RPGRIP1L: variants seen among roughly 807,000 people sequenced by gnomAD.
RPGRIP1L encodes the protein protein fantom.
A neutral mutation model predicts 160.4 loss-of-function variants in RPGRIP1L; 131 were observed. The observed-to-expected ratio is 0.82, with a 90% CI of 0.71 to 0.94. The LOEUF (loss-of-function observed/expected upper bound fraction) is 0.94. Among genes scored for constraint, RPGRIP1L ranks in the 40% least tolerant of loss-of-function variants. RPGRIP1L has a pLI of 0.00. For missense variants in RPGRIP1L, 1,522 were observed against 1,535.8 expected (o/e 0.99, Z 0.15); for synonymous variants, 510 against 515.8 (o/e 0.99, Z 0.15).
At chr16:53,671,659 ACT>A (rs1398838094) in intron 8 of RPGRIP1L, 76 bp from the exon 9 acceptor site, 2 of 737,068 alleles carry the variant, frequency 2.7e-6, no homozygotes, top group Non-Finnish European at 4.4e-6. Context: ...ACATTAAAAA[ACT>A]CTATATGAGA....
At chr16:53,701,382 C>T (rs1337309273) in intron 1 of RPGRIP1L, among the ~76,000 whole-genome samples, 1 of 151,740 alleles carries the variant, frequency 6.6e-6, no homozygotes, top group Non-Finnish European at 1.5e-5. Context: ...TGCCATGAGG[C>T]CTAGGTCTCA....
intron 9 of RPGRIP1L, among the ~76,000 whole-genome samples, chr16:53,669,131 C>T (rs768649480): frequency 6.6e-6 from 1 of 151,952 alleles, no homozygotes; most frequent in Non-Finnish European, 1.5e-5. Context: ...TTGGCAATAA[C>T]GAATAACAGT....
chr16:53,676,921 C>G (rs1405729464), intron 6 of RPGRIP1L, among the ~76,000 whole-genome samples: 1 of 152,104 alleles, frequency 6.6e-6, no homozygotes, highest in Admixed American at 6.6e-5. Context: ...GTGTGAGCCA[C>G]TGTACCCGGC....
chr16:53,658,658 C>G (rs1967481872), intron 11 of RPGRIP1L, 114 bp downstream of exon 11: 1 of 856,346 alleles, frequency 1.2e-6, no homozygotes, highest in Admixed American at 2.1e-5. Flanking sequence ...AGTTAATAAA[C>G]TGAGTAATTA....
chr16:53,640,834 C>T (rs1421550759), intron 19 of RPGRIP1L, among the ~76,000 whole-genome samples, 199 bp downstream of exon 19: 1 of 150,224 alleles, frequency 6.7e-6, no homozygotes, highest in African/African-American at 2.5e-5. Context: ...AGGTAAGGGC[C>T]CAAAAAAGGG....
chr16:53,666,602 A>G (rs1355426291), intron 9 of RPGRIP1L, among the ~76,000 whole-genome samples: 6 of 141,794 alleles, frequency 4.2e-5, no homozygotes, highest in African/African-American at 1.7e-4. Context: ...GTATATATAT[A>G]TATATGTATG....
chr16:53,682,980 T>C (rs544551119), intron 6 of RPGRIP1L, among the ~76,000 whole-genome samples: 1 of 152,284 alleles, frequency 6.6e-6, no homozygotes, highest in East Asian at 1.9e-4. Context: ...GGATTTCTCA[T>C]ATAATTTAAT....
intron 17 of RPGRIP1L, among the ~76,000 whole-genome samples, chr16:53,643,306 T>TAAAAAA (rs77427391): frequency 9.0e-6 from 1 of 111,402 alleles, no homozygotes; most frequent in African/African-American, 3.2e-5. Context: ...AGACTCCATC[T>TAAAAAA]AAAAAAAAAA....
At chr16:53,650,667 G>A (rs946384479) in intron 15 of RPGRIP1L, among the ~76,000 whole-genome samples, 16 of 152,156 alleles carry the variant, frequency 1.1e-4, no homozygotes, top group African/African-American at 3.4e-4. Context: ...AGACATTGAA[G>A]TCTTTTTGAT....
intron 22 of RPGRIP1L, among the ~76,000 whole-genome samples, chr16:53,626,201 G>A (rs540893761): frequency 6.7e-6 from 1 of 148,686 alleles, no homozygotes; most frequent in Non-Finnish European, 1.5e-5. Flanking sequence ...CAGGTGAATT[G>A]GAAGATGTCC....
chr16:53,677,213 T>C (rs747720929), intron 6 of RPGRIP1L, among the ~76,000 whole-genome samples: 5 of 152,168 alleles, frequency 3.3e-5, no homozygotes, highest in Admixed American at 6.5e-5. Context: ...TTTAAACTGG[T>C]AATGGCCAAC....
At chr16:53,683,337 C>T (rs1189684308) in intron 6 of RPGRIP1L, among the ~76,000 whole-genome samples, 1 of 151,680 alleles carries the variant, frequency 6.6e-6, no homozygotes, top group Non-Finnish European at 1.5e-5. Context: ...ACATAATAAC[C>T]AAATGCTATG....
intron 22 of RPGRIP1L, among the ~76,000 whole-genome samples, chr16:53,624,792 T>C (rs1183768119): frequency 8.8e-6 from 1 of 114,190 alleles, no homozygotes; most frequent in Non-Finnish European, 1.7e-5. Context: ...CTCAGTCTCC[T>C]GCTTTCCACG....
chr16:53,624,938 G>A (rs1161148719), intron 22 of RPGRIP1L, among the ~76,000 whole-genome samples: 1 of 152,134 alleles, frequency 6.6e-6, no homozygotes, highest in Non-Finnish European at 1.5e-5. Flanking sequence ...ACTGGTTTTT[G>A]TATTTTTGGT....
rs370901315 is a variant in RPGRIP1L at position 53,619,003 on chromosome 16, A to T, written c.3616+22T>A. On this transcript the variant is annotated intron_variant, in intron 24 of 26. Coordinates refer to ENST00000647211, the MANE Select transcript of RPGRIP1L (RefSeq NM_015272.5). ...AAAAAAGACAAACATAAAAGTCTAT[A>T]TTACAAATGAATCATACATACCATT... The T allele has an allele frequency of 7.0e-6, 11 of 1,576,626 alleles. No homozygotes were observed. The African/African-American group carries it at 9.4e-5, about 14-fold the overall frequency.
intron 7 of RPGRIP1L, among the ~76,000 whole-genome samples, 169 bp from the exon 8 acceptor site, chr16:53,673,185 G>A (rs150318278): frequency 1.1e-3 from 173 of 152,238 alleles, no homozygotes; most frequent in Admixed American, 2.3e-3. Flanking sequence ...CTACTTATCC[G>A]TAGGAGACGC....
chr16:53,650,645 G>C (rs535995468), intron 15 of RPGRIP1L, among the ~76,000 whole-genome samples: 2 of 152,196 alleles, frequency 1.3e-5, no homozygotes, highest in Non-Finnish European at 2.9e-5. Flanking sequence ...CTAAGGAAAA[G>C]GGGAGGGAGG....
chr16:53,604,462 C>G (rs895774560), intron 26 of RPGRIP1L, among the ~76,000 whole-genome samples: 11 of 152,218 alleles, frequency 7.2e-5, no homozygotes, highest in Non-Finnish European at 1.5e-4. Flanking sequence ...CCTTATTTCT[C>G]TATTTACTAC....
chr16:53,638,506 T>C, intron 19 of RPGRIP1L, 95 bp from the exon 20 acceptor site: 2 of 674,930 alleles, frequency 3.0e-6, no homozygotes, highest in South Asian at 3.6e-5. Context: ...TACTAAAAAT[T>C]GGCAGCAAAT....
Sources: allele counts gnomAD v4.1 joint callset (sites outside exome capture counted in the v4.1 genomes callset), GRCh38; gene constraint gnomAD v4.1.1; transcripts MANE v1.5; gene names NCBI Gene and HGNC (gene_info 2026-07-23, HGNC 2026-07-21).